Variants in CDON observed in about 807,000 individuals in gnomAD.
CDON encodes cell adhesion associated, oncogene regulated.
CDON carries 73 observed loss-of-function variants against 120.9 expected under a neutral mutation model. That is an observed-to-expected ratio of 0.60 (90% CI 0.50 to 0.73). The LOEUF (loss-of-function observed/expected upper bound fraction) is 0.73, where lower values mean the gene tolerates loss of function less well. Ranked by LOEUF, CDON falls within the 30% of genes least tolerant of loss-of-function variation. CDON has a pLI of 0.00. For synonymous variants in CDON, 566 were observed against 573.5 expected (o/e 0.99, Z 0.19); for missense variants, 1,470 against 1,587.3 (o/e 0.93, Z 1.26).
chr11:126,002,906 G>C (rs1946993516), intron 10 of CDON, among the ~76,000 whole-genome samples: 1 of 152,128 alleles, frequency 6.6e-6, no homozygotes, highest in Non-Finnish European at 1.5e-5. Flanking sequence ...CGTGTTCCTA[G>C]TGAACACCAT....
chr11:126,053,066 G>C (rs1008896285), intron 1 of CDON, among the ~76,000 whole-genome samples: 3 of 152,080 alleles, frequency 2.0e-5, no homozygotes, highest in African/African-American at 7.2e-5. Context: ...TCACAATTAG[G>C]TTTAAAATAT....
intron 1 of CDON, among the ~76,000 whole-genome samples, chr11:126,048,282 C>CAA (rs1239820423): frequency 5.0e-5 from 6 of 119,506 alleles, no homozygotes; most frequent in Non-Finnish European, 7.0e-5. Context: ...GACTCTGTCT[C>CAA]AAAAAAAAAA....
At position 125,990,683 on chromosome 11, in the gene CDON, A is replaced by G. The variant is rs549596896; in HGVS notation, c.2651-924T>C. Reference sequence around the variant, plus strand: ...GAAAAAAAGCAAAACAAAACCACACATGCAAGTTAAATCTACTTGGCTGAA... The same window carrying G: ...GAAAAAAAGCAAAACAAAACCACACGTGCAAGTTAAATCTACTTGGCTGAA... On this transcript the variant is annotated intron_variant, in intron 14 of 19. Coordinates refer to ENST00000531738, the MANE Select transcript of CDON (RefSeq NM_001378964.1). Among the ~76,000 whole-genome samples, 21 of 152,330 alleles carry G rather than the reference A, an allele frequency of 1.4e-4. No homozygotes were observed. In the East Asian group the frequency reaches 2.3e-3, roughly 17 times the overall value.
chr11:126,055,329 G>A (rs1195411056), intron 1 of CDON, among the ~76,000 whole-genome samples: 1 of 152,252 alleles, frequency 6.6e-6, no homozygotes, highest in South Asian at 2.1e-4. Flanking sequence ...AAGCTACAGG[G>A]AGGATGGAAT....
chr11:126,004,208 T>TA (rs1226495880), intron 9 of CDON, 132 bp from the exon 10 acceptor site: 1 of 857,310 alleles, frequency 1.2e-6, no homozygotes, highest in Non-Finnish European at 1.9e-6. Flanking sequence ...GCATGGTAAG[T>TA]AAAAAAGACA....
At chr11:126,040,068 T>C (rs188006256) in intron 1 of CDON, among the ~76,000 whole-genome samples, 53 of 152,314 alleles carry the variant, frequency 3.5e-4, no homozygotes, top group African/African-American at 1.2e-3. Context: ...CAGATGATCC[T>C]ACCTGACTCA....
chr11:125,985,789 T>A (rs1198278297), intron 15 of CDON, among the ~76,000 whole-genome samples: 1 of 151,844 alleles, frequency 6.6e-6, no homozygotes, highest in Non-Finnish European at 1.5e-5. Context: ...CCAGTTAGAA[T>A]GGCGATCATT....
chr11:126,052,834 A>T (rs891761040), intron 1 of CDON, among the ~76,000 whole-genome samples: 7 of 152,234 alleles, frequency 4.6e-5, no homozygotes, highest in South Asian at 2.1e-4. Context: ...AAAAAAAAAA[A>T]AAAATTAAAA....
At chr11:126,019,592 C>T (rs747813604) in intron 4 of CDON, 27 bp downstream of exon 4, 6 of 1,613,210 alleles carry the variant, frequency 3.7e-6, no homozygotes, top group Non-Finnish European at 5.1e-6. Flanking sequence ...TCTGTGTGTG[C>T]CACCGGCTTT....
In CDON at chr11:126,013,642, C is replaced by T. The variant is rs919819142; in HGVS notation, c.1198+1599G>A. ...TTGCTGTAAGACTTGTATTTATAGC[C>T]CTCTTTTGTTCCTAATATTATTTGT... On this transcript the variant is annotated intron_variant, in intron 7 of 19. Transcript: ENST00000531738. Among the ~76,000 whole-genome samples the T allele has an allele frequency of 2.4e-4, 37 of 151,642 alleles. 1 individual carries two copies. Among genetic ancestry groups the T allele is most frequent in the African/African-American group, 9.0e-4 (37 of 41,272 alleles).
At chr11:126,054,622 C>T (rs1439029287) in intron 1 of CDON, among the ~76,000 whole-genome samples, 2 of 152,192 alleles carry the variant, frequency 1.3e-5, no homozygotes, top group East Asian at 3.9e-4. Flanking sequence ...TGTGCTCCAC[C>T]CAGCTCATCA....
At chr11:125,964,480 A>C (rs1945733742) in intron 18 of CDON, among the ~76,000 whole-genome samples, 1 of 152,222 alleles carries the variant, frequency 6.6e-6, no homozygotes, top group African/African-American at 2.4e-5. Flanking sequence ...TGCCAAAGGC[A>C]GAAGTAAATC....
At chr11:125,970,172 GTT>G (rs36021097) in intron 18 of CDON, among the ~76,000 whole-genome samples, 5 of 103,176 alleles carry the variant, frequency 4.8e-5, no homozygotes, top group Non-Finnish European at 7.8e-5. Context: ...GGTAGTTTAT[GTT>G]TTTTTTTTTT....
intron 9 of CDON, among the ~76,000 whole-genome samples, chr11:126,005,168 A>G (rs1947074823): frequency 6.6e-6 from 1 of 152,056 alleles, no homozygotes; most frequent in African/African-American, 2.4e-5. Context: ...CAGGTGTGGT[A>G]GTGCATGCCT....
intron 1 of CDON, among the ~76,000 whole-genome samples, chr11:126,053,464 G>C (rs1356165433): frequency 1.3e-5 from 2 of 152,160 alleles, no homozygotes; most frequent in Non-Finnish European, 2.9e-5. Context: ...AGAGTGCATA[G>C]GATGAAATGG....
intron 6 of CDON, among the ~76,000 whole-genome samples, chr11:126,015,993 C>A (rs1947457155): frequency 6.6e-6 from 1 of 152,166 alleles, no homozygotes; most frequent in Admixed American, 6.5e-5. Context: ...CTTTAGGGAT[C>A]CTTAAAGTCA....
intron 2 of CDON, among the ~76,000 whole-genome samples, chr11:126,022,819 T>C (rs77176142): frequency 0.011 from 1,751 of 152,328 alleles, 33 homozygotes; most frequent in African/African-American, 0.039. Context: ...TGTATCTACT[T>C]ATATATTCAT....
At chr11:126,008,603 A>G (rs1160494423) in intron 8 of CDON, among the ~76,000 whole-genome samples, 3 of 152,144 alleles carry the variant, frequency 2.0e-5, no homozygotes, top group Admixed American at 6.5e-5. Context: ...TAGTTTCATC[A>G]GCCATAAAAC....
At chr11:126,000,184 T>C (rs988495039) in intron 11 of CDON, among the ~76,000 whole-genome samples, 20 of 151,600 alleles carry the variant, frequency 1.3e-4, no homozygotes, top group Non-Finnish European at 2.6e-4. Flanking sequence ...TGGGTTTAGG[T>C]ATTTATATCA....
Sources: gnomAD v4.1 joint callset for allele counts (sites outside exome capture counted in the v4.1 genomes callset) on GRCh38, gnomAD v4.1.1 for gene constraint, MANE v1.5 for transcripts, NCBI Gene and HGNC (gene_info 2026-07-23, HGNC 2026-07-21) for gene names.